NELL1: variants seen among roughly 807,000 people sequenced by gnomAD.
The protein encoded by NELL1 is protein kinase C-binding protein NELL1.
Under a neutral mutation model 107.4 loss-of-function variants are expected in NELL1, and 76 were observed. The ratio of observed to expected loss-of-function variants is 0.71; its 90% CI spans 0.59 to 0.86. NELL1 has a LOEUF of 0.86. Ranked by LOEUF, NELL1 falls within the 40% of genes least tolerant of loss-of-function variation. The pLI, the probability that NELL1 is intolerant of heterozygous loss-of-function variation, is 0.00. For missense variants in NELL1, 1,024 were observed against 1,005.5 expected (o/e 1.02, Z -0.25); for synonymous variants, 353 against 341.2 (o/e 1.03, Z -0.38).
At chr11:20,935,366 T>C (rs1018682832) in intron 9 of NELL1, among the ~76,000 whole-genome samples, 1 of 151,992 alleles carries the variant, frequency 6.6e-6, no homozygotes, top group Non-Finnish European at 1.5e-5. Context: ...AGGCTGCCAG[T>C]GGAAGGTGGA....
At chr11:21,423,424 C>T (rs952996915) in intron 15 of NELL1, among the ~76,000 whole-genome samples, 4 of 151,640 alleles carry the variant, frequency 2.6e-5, no homozygotes, top group Non-Finnish European at 4.4e-5. Flanking sequence ...TTCAATATAA[C>T]ATGAATATAT....
At chr11:21,479,768 C>T (rs1323813513) in intron 15 of NELL1, among the ~76,000 whole-genome samples, 1 of 152,046 alleles carries the variant, frequency 6.6e-6, no homozygotes, top group Non-Finnish European at 1.5e-5. Flanking sequence ...TATTACACAT[C>T]GTATGTCTGT....
intron 12 of NELL1, among the ~76,000 whole-genome samples, chr11:21,042,240 T>G (rs1161021996): frequency 1.3e-5 from 2 of 152,172 alleles, no homozygotes; most frequent in Non-Finnish European, 2.9e-5. Context: ...CAATCCAGAA[T>G]ATGCTTAAAT....
chr11:21,168,609 A>G (rs1856535776), intron 13 of NELL1, among the ~76,000 whole-genome samples: 1 of 151,824 alleles, frequency 6.6e-6, no homozygotes, highest in Admixed American at 6.6e-5. Context: ...GATACACACA[A>G]TATCATTCAC....
At chr11:20,964,234 G>A (rs555792895) in intron 12 of NELL1, among the ~76,000 whole-genome samples, 1 of 152,086 alleles carries the variant, frequency 6.6e-6, no homozygotes, top group Non-Finnish European at 1.5e-5. Context: ...ATTAGGAGTA[G>A]TGTCTGAGGA....
In NELL1 at chr11:21,367,503, G is replaced by A. The variant is rs546649897; in HGVS notation, c.1550-3350G>A. On this transcript the variant is annotated intron_variant, in intron 14 of 19. Coordinates refer to ENST00000357134, the MANE Select transcript of NELL1 (RefSeq NM_006157.5). Reference sequence around the variant, plus strand: ...GAGTCCTCACTAAAGAATAAGCTCCGTGGCACAGGGATCTTTGCCGTCTTA... The same window carrying A: ...GAGTCCTCACTAAAGAATAAGCTCCATGGCACAGGGATCTTTGCCGTCTTA... 3.9e-5 allele frequency among the ~76,000 whole-genome samples: 6 copies of A among 152,158 alleles called. No individual in the cohort carries two copies. The East Asian group carries it at 7.7e-4, about 20-fold the overall frequency.
At chr11:21,105,756 C>T (rs1161561264) in intron 12 of NELL1, among the ~76,000 whole-genome samples, 1 of 150,842 alleles carries the variant, frequency 6.6e-6, no homozygotes, top group Non-Finnish European at 1.5e-5. Flanking sequence ...TTCTTCCTAA[C>T]TCCTATATCA....
intron 13 of NELL1, among the ~76,000 whole-genome samples, chr11:21,228,873 T>A (rs374069766): frequency 2.6e-5 from 4 of 151,606 alleles, no homozygotes; most frequent in African/African-American, 7.3e-5. Flanking sequence ...CTTCTGCACA[T>A]TGTACAATGC....
intron 13 of NELL1, among the ~76,000 whole-genome samples, chr11:21,206,323 C>A (rs979612095): frequency 2.6e-5 from 4 of 152,096 alleles, no homozygotes; most frequent in Non-Finnish European, 5.9e-5. Flanking sequence ...TCACAGTGTG[C>A]CTTCTGCTCT....
At chr11:21,461,661 C>A (rs926497493) in intron 15 of NELL1, among the ~76,000 whole-genome samples, 1 of 152,074 alleles carries the variant, frequency 6.6e-6, no homozygotes, top group African/African-American at 2.4e-5. Flanking sequence ...CCAGTATTAT[C>A]ATCAACACCA....
chr11:21,283,434 C>T (rs1849042095), intron 14 of NELL1, among the ~76,000 whole-genome samples: 1 of 152,116 alleles, frequency 6.6e-6, no homozygotes, highest in Admixed American at 6.5e-5. Context: ...GAAAACAGGA[C>T]ATGTTTGTAC....
At chr11:20,787,287 A>T (rs1049882306) in intron 3 of NELL1, among the ~76,000 whole-genome samples, 2 of 152,276 alleles carry the variant, frequency 1.3e-5, no homozygotes, top group Non-Finnish European at 2.9e-5. Flanking sequence ...ACTCTAGTAG[A>T]GAAGATCTAC....
intron 4 of NELL1, among the ~76,000 whole-genome samples, chr11:20,859,194 C>A (rs151076510): frequency 6.6e-6 from 1 of 152,324 alleles, no homozygotes; most frequent in South Asian, 2.1e-4. Flanking sequence ...CATGCACCTC[C>A]AGCTTCCGTG....
At chr11:21,260,076 A>C (rs550037746) in intron 14 of NELL1, 5 of 152,084 alleles carry the variant, frequency 3.3e-5, no homozygotes, top group Non-Finnish European at 5.9e-5. Flanking sequence ...GCAGGAAACC[A>C]AACGGAAAAC....
intron 2 of NELL1, chr11:20,773,780 G>A (rs1486832158): frequency 6.6e-6 from 1 of 152,198 alleles, no homozygotes; most frequent in African/African-American, 2.4e-5. Context: ...TTACATGCGT[G>A]AGCCACCACG....
intron 12 of NELL1, among the ~76,000 whole-genome samples, chr11:21,109,207 C>G (rs1855046651): frequency 6.6e-6 from 1 of 151,986 alleles, no homozygotes; most frequent in Non-Finnish European, 1.5e-5. Flanking sequence ...TGTCTGATAC[C>G]TAAAAAACAG....
chr11:20,992,375 T>G (rs1226909253), intron 12 of NELL1, among the ~76,000 whole-genome samples: 1 of 152,176 alleles, frequency 6.6e-6, no homozygotes, highest in Non-Finnish European at 1.5e-5. Flanking sequence ...TTTTTGGGTA[T>G]TTTGTTGTTG....
intron 12 of NELL1, among the ~76,000 whole-genome samples, chr11:21,044,055 A>T (rs1332007477): frequency 3.9e-5 from 6 of 152,148 alleles, no homozygotes; most frequent in Non-Finnish European, 1.5e-5. Flanking sequence ...TGAAACCATA[A>T]AAATGCTTGA....
intron 15 of NELL1, among the ~76,000 whole-genome samples, chr11:21,525,684 A>G (rs1376938175): frequency 6.6e-6 from 1 of 152,186 alleles, no homozygotes; most frequent in Non-Finnish European, 1.5e-5. Flanking sequence ...ATGGCTGGGG[A>G]GGCCTCACAA....
Sources: allele counts gnomAD v4.1 joint callset (sites outside exome capture counted in the v4.1 genomes callset), GRCh38; gene constraint gnomAD v4.1.1; transcripts MANE v1.5; gene names NCBI Gene and HGNC (gene_info 2026-07-23, HGNC 2026-07-21).